The following RNLS variants were observed in gnomAD, a reference collection of about 807,000 sequenced individuals.
The protein encoded by RNLS is renalase, FAD dependent amine oxidase.
Under a neutral mutation model 39.8 loss-of-function variants are expected in RNLS, and 39 were observed. The observed-to-expected ratio is 0.98, with a 90% CI of 0.76 to 1.28. The LOEUF is 1.28. Ranked by LOEUF, RNLS falls within the 50% of genes most tolerant of loss-of-function variation. RNLS has a pLI of 0.00. For synonymous variants in RNLS, 147 were observed against 150.7 expected (o/e 0.98, Z 0.18); for missense variants, 410 against 413.3 (o/e 0.99, Z 0.07).
At chr10:88,405,251 C>T (rs555748695) in intron 4 of RNLS, among the ~76,000 whole-genome samples, 4 of 152,072 alleles carry the variant, frequency 2.6e-5, no homozygotes, top group East Asian at 1.9e-4. Flanking sequence ...AGATACAATT[C>T]GGGCAGATGT....
intron 4 of RNLS, among the ~76,000 whole-genome samples, chr10:88,388,050 T>C (rs111864371): frequency 6.6e-6 from 1 of 152,306 alleles, no homozygotes; most frequent in African/African-American, 2.4e-5. Flanking sequence ...TCGCCTTTCA[T>C]TTAACACGTA....
intron 4 of RNLS, among the ~76,000 whole-genome samples, chr10:88,433,464 T>C (rs1013730927): frequency 3.3e-5 from 5 of 152,074 alleles, no homozygotes; most frequent in Non-Finnish European, 5.9e-5. Context: ...TATCTTCCTA[T>C]CGAATTATCA....
chr10:88,220,834 T>G, the RNLS span, among the ~76,000 whole-genome samples: 1 of 152,230 alleles, frequency 6.6e-6, no homozygotes, highest in African/African-American at 2.4e-5. Context: ...CATTCAATTT[T>G]GACAGCATCC....
intron 4 of RNLS, among the ~76,000 whole-genome samples, chr10:88,412,748 T>G (rs1478045797): frequency 2.0e-5 from 3 of 152,124 alleles, no homozygotes; most frequent in African/African-American, 7.2e-5. Context: ...AAAAATAAAG[T>G]GATCCTAAAT....
chr10:88,571,565 C>T lies in RNLS; in HGVS notation c.526+1338G>A, dbSNP rs1261342029. 5.3e-5 allele frequency among the ~76,000 whole-genome samples: 8 copies of T among 152,120 alleles called. No homozygotes were observed. The East Asian group carries it at 5.8e-4, about 11-fold the overall frequency. On this transcript the variant is annotated intron_variant, in intron 4 of 6. Coordinates refer to ENST00000331772, the MANE Select transcript of RNLS (RefSeq NM_001031709.3). ...GAGTTTCTATGATTAAAATGAACACCGTCAGCTAGGATTGTAGTATCAGTA... is the reference window on the plus strand; with the variant it reads ...GAGTTTCTATGATTAAAATGAACACTGTCAGCTAGGATTGTAGTATCAGTA...
At chr10:88,548,198 G>T (rs552790374) in intron 4 of RNLS, among the ~76,000 whole-genome samples, 26 of 141,384 alleles carry the variant, frequency 1.8e-4, no homozygotes, top group African/African-American at 6.9e-4. Context: ...GGAGGCGGAG[G>T]TTGCAGTGAG....
intron 5 of RNLS, among the ~76,000 whole-genome samples, chr10:88,321,136 C>A (rs1397292414): frequency 2.0e-5 from 3 of 151,932 alleles, no homozygotes; most frequent in Non-Finnish European, 2.9e-5. Flanking sequence ...AGGAATCATA[C>A]CAAGAGGAAC....
In RNLS at chr10:88,557,613, C is replaced by CT. The variant is rs1199581922; in HGVS notation, c.526+15289dup. Reference sequence around the variant, plus strand: ...GAAGAATGCCAGTATTCCTCCCATTCTTTTTTTTATCCTTCCCTTCCTCTC... The same window carrying CT: ...GAAGAATGCCAGTATTCCTCCCATTCTTTTTTTTTATCCTTCCCTTCCTCTC... On this transcript the variant is annotated intron_variant, in intron 4 of 6. Transcript: ENST00000331772. 2.1e-4 allele frequency among the ~76,000 whole-genome samples: 32 copies of CT among 152,094 alleles called. No homozygotes were observed. In the East Asian group the frequency reaches 4.4e-3, roughly 21 times the overall value.
chr10:88,566,906 T>C (rs1308397084), intron 4 of RNLS, among the ~76,000 whole-genome samples: 2 of 151,770 alleles, frequency 1.3e-5, no homozygotes. Flanking sequence ...CTAGTAACAA[T>C]AAGATATATA....
At chr10:88,485,308 T>C (rs1844425460) in intron 4 of RNLS, among the ~76,000 whole-genome samples, 1 of 151,628 alleles carries the variant, frequency 6.6e-6, no homozygotes, top group Admixed American at 6.6e-5. Flanking sequence ...GAAATAGACC[T>C]ATATATATAT....
At chr10:88,212,115 AT>A in the RNLS span, among the ~76,000 whole-genome samples, 3 of 152,174 alleles carry the variant, frequency 2.0e-5, no homozygotes, top group Non-Finnish European at 4.4e-5. Flanking sequence ...ATCTTTTATG[AT>A]GCCTTCTCTG....
intron 4 of RNLS, among the ~76,000 whole-genome samples, chr10:88,537,059 A>G (rs1847799618): frequency 6.6e-6 from 1 of 152,178 alleles, no homozygotes; most frequent in Non-Finnish European, 1.5e-5. Flanking sequence ...AAAATAATGG[A>G]TGTTTAACAA....
intron 4 of RNLS, among the ~76,000 whole-genome samples, chr10:88,514,741 G>A (rs1041127329): frequency 2.0e-5 from 3 of 152,024 alleles, no homozygotes; most frequent in Admixed American, 1.3e-4. Context: ...CACATGGTAA[G>A]ATTTCCTTCT....
chr10:88,407,838 A>G (rs1354318254), intron 4 of RNLS, among the ~76,000 whole-genome samples: 4 of 152,122 alleles, frequency 2.6e-5, no homozygotes, highest in Non-Finnish European at 4.4e-5. Flanking sequence ...TGTGCAAAAC[A>G]TAAATGACAC....
At chr10:88,302,575 T>G (rs1844607429) in intron 6 of RNLS, among the ~76,000 whole-genome samples, 1 of 152,224 alleles carries the variant, frequency 6.6e-6, no homozygotes. Flanking sequence ...ACCATCCATT[T>G]GATTTAAATG....
chr10:88,574,314 C>T (rs2134454538), intron 3 of RNLS, among the ~76,000 whole-genome samples: 1 of 152,204 alleles, frequency 6.6e-6, no homozygotes, highest in East Asian at 1.9e-4. Flanking sequence ...AGGAAAAAAG[C>T]ACACTGAAAG....
intron 5 of RNLS, among the ~76,000 whole-genome samples, chr10:88,324,225 T>G: frequency 6.6e-6 from 1 of 151,984 alleles, no homozygotes; most frequent in East Asian, 1.9e-4. Context: ...GCAATCCCAC[T>G]ACTGGGTATC....
chr10:88,464,123 G>A (rs1007326096), intron 4 of RNLS, among the ~76,000 whole-genome samples: 9 of 151,998 alleles, frequency 5.9e-5, no homozygotes, highest in African/African-American at 1.9e-4. Context: ...CAAGAAAAAT[G>A]CGGGCCAGAG....
the RNLS span, among the ~76,000 whole-genome samples, chr10:88,219,302 A>G: frequency 1.3e-5 from 2 of 152,204 alleles, no homozygotes; most frequent in Non-Finnish European, 2.9e-5. Context: ...AATATGATCT[A>G]TTTAGTAGGT....
Sources: allele counts gnomAD v4.1 joint callset (sites outside exome capture counted in the v4.1 genomes callset), GRCh38; gene constraint gnomAD v4.1.1; transcripts MANE v1.5; gene names NCBI Gene and HGNC (gene_info 2026-07-23, HGNC 2026-07-21).